The following LIPG variants were observed in gnomAD, a reference collection of about 807,000 sequenced individuals.
LIPG encodes the protein lipase G, endothelial type, also known as endothelial lipase.
Under a neutral mutation model 51.8 loss-of-function variants are expected in LIPG, and 34 were observed. The observed-to-expected ratio is 0.66, with a 90% CI of 0.50 to 0.87. LIPG has a LOEUF of 0.87. Among genes scored for constraint, LIPG ranks in the 40% least tolerant of loss-of-function variants. LIPG has a pLI of 0.00. For missense variants in LIPG, 580 were observed against 652.7 expected, an observed-to-expected ratio of 0.89 and a Z score of 1.21; for synonymous variants, 246 against 246.1, an observed-to-expected ratio of 1.00 and a Z score of 0.00.
At chr18:49,573,033 G>A (rs1354127849) in intron 4 of LIPG, among the ~76,000 whole-genome samples, 1 of 152,210 alleles carries the variant, frequency 6.6e-6, no homozygotes, top group Non-Finnish European at 1.5e-5. Flanking sequence ...AGCAGGGCAG[G>A]CAGGCTCTGG....
chr18:49,584,264 C>T lies in LIPG; in HGVS notation c.1376+490C>T, dbSNP rs150713535. ...TTTCAGAGCATTATTCTCTCTCCTT[C>T]AGAGGTTCTAAGTCAAGGATGTGGG... On this transcript the variant is annotated intron_variant, in intron 8 of 9. Coordinates refer to ENST00000261292, the MANE Select transcript of LIPG (RefSeq NM_006033.4). 1.9e-4 allele frequency among the ~76,000 whole-genome samples: 29 copies of T among 152,338 alleles called. No individual in the cohort carries two copies. The East Asian group carries it at 3.5e-3, about 18-fold the overall frequency.
At chr18:49,582,583 G>T in intron 7 of LIPG, 101 bp downstream of exon 7, 1 of 1,498,736 alleles carries the variant, frequency 6.7e-7, no homozygotes, top group Non-Finnish European at 9.3e-7. Flanking sequence ...GCACGCAGGA[G>T]AGTGCAGTCC....
Position 49,590,225 on chromosome 18 carries a change from A to G in LIPG, c.1482-276A>G, listed in dbSNP as rs971851391. The stretch of plus-strand genomic sequence containing the variant: ...TGTGTGTGTATGTTGTGGGTGGATA[A>G]TATGTAAATGCAAGAACTGTGATGT... On this transcript the variant is annotated intron_variant, in intron 9 of 9. Transcript: ENST00000261292. 9.2e-6 allele frequency: 5 copies of G among 544,546 alleles called. No homozygotes were observed. The African/African-American group carries it at 9.5e-5, about 10-fold the overall frequency. 33.7% of individuals were successfully genotyped at this position (544,546 alleles called of 1,614,324 possible).
chr18:49,569,486 T>C lies in LIPG; in HGVS notation c.509T>C (p.Leu170Pro). Residue 170 changes from leucine (L) to proline (P), a missense_variant, in exon 4 of 10, where the codon CTC becomes CCC. Transcript: ENST00000261292. ...LGNVHLIGYS[L>P]GAHVAGYAGN... ...AATGTCCACTTGATCGGCTACAGCCTCGGAGCGCACGTGGCCGGGTATGCA... is the reference window on the plus strand; with the variant it reads ...AATGTCCACTTGATCGGCTACAGCCCCGGAGCGCACGTGGCCGGGTATGCA... The C allele has an allele frequency of 5.0e-6, 8 of 1,614,182 alleles. No homozygotes were observed. Among genetic ancestry groups the C allele is most frequent in the Non-Finnish European group, 6.8e-6 (8 of 1,180,024 alleles).
intron 1 of LIPG, among the ~76,000 whole-genome samples, chr18:49,563,843 C>G (rs547457325): frequency 6.6e-6 from 1 of 152,238 alleles, no homozygotes; most frequent in African/African-American, 2.4e-5. Context: ...AGGTCAGACT[C>G]TAAGAGGAAG....
chr18:49,561,481 G>A, upstream of LIPG: 1 of 400,282 alleles, frequency 2.5e-6, no homozygotes. Flanking sequence ...ATCCTCCAGC[G>A]CCGGCCGCAG....
intron 3 of LIPG, among the ~76,000 whole-genome samples, chr18:49,567,946 A>T (rs1600544654): frequency 6.6e-6 from 1 of 152,112 alleles, no homozygotes; most frequent in East Asian, 1.9e-4. Flanking sequence ...CAGGCTTGTG[A>T]TCTGAAATTC....
In LIPG at chr18:49,583,604, C is replaced by T. The variant is rs755003256; in HGVS notation, c.1206C>T (p.Thr402=). 7.4e-6 allele frequency: 12 copies of T among 1,614,022 alleles called. No individual in the cohort carries two copies. The highest frequency in any genetic ancestry group is 1.7e-5 in the Admixed American group (1 of 59,994). ...QNATNTFLVY[T]EEDLGDLLKI... is the part of the protein sequence containing the mutation. ...CCACCAACACCTTCCTGGTCTACAC[C>T]GAGGAGGACTTGGGAGACCTCTTGA... The change falls in exon 8 of 10, where the codon ACC becomes ACT. Residue 402 remains threonine (T), a synonymous_variant. Transcript: ENST00000261292.
chr18:49,595,780 ATCACGCCACTGCAC>A lies in LIPG; in HGVS notation c.*5261_*5274del, dbSNP rs1223395678. ...GAGATGGAGTTTGCAGTGAGCTGAGATCACGCCACTGCACTCCAGCCTAGGCAACTGAGTGAGAC... is the reference window on the plus strand; with the variant it reads ...GAGATGGAGTTTGCAGTGAGCTGAGATCCAGCCTAGGCAACTGAGTGAGAC... On this transcript the variant is annotated 3_prime_UTR_variant, in exon 10 of 10. Transcript: ENST00000261292. 1 of 152,254 alleles carries A rather than the reference ATCACGCCACTGCAC, an allele frequency of 6.6e-6. No individual in the cohort carries two copies. The highest frequency in any genetic ancestry group is 1.5e-5 in the Non-Finnish European group (1 of 68,050). 9.4% of individuals were successfully genotyped at this position (152,254 alleles called of 1,614,324 possible). A position where few individuals can be genotyped will look rare whatever the true frequency, so the allele number is the denominator to read the frequency against.
At position 49,575,318 on chromosome 18, in the gene LIPG, G is replaced by T; in HGVS notation, c.572-51G>T. 3 of 1,479,102 alleles carry T rather than the reference G, an allele frequency of 2.0e-6. No homozygotes were observed. In the South Asian group the frequency reaches 3.4e-5, roughly 17 times the overall value. 91.6% of individuals were successfully genotyped at this position (1,479,102 alleles called of 1,614,324 possible). On this transcript the variant is annotated intron_variant, in intron 4 of 9. Transcript: ENST00000261292. ...ACTTAACTTGTAATCAGGACTCACT[G>T]ACCAGGTGCACCTGACACCACAGCT...
Position 49,595,625 on chromosome 18 carries a change from C to G in LIPG, c.*5103C>G, listed in dbSNP as rs947636960. 6.6e-6 allele frequency: 1 copy of G among 152,090 alleles called. No homozygotes were observed. The highest frequency in any genetic ancestry group is 1.5e-5 in the Non-Finnish European group (1 of 68,008). 9.4% of individuals were successfully genotyped at this position (152,090 alleles called of 1,614,324 possible). On this transcript the variant is annotated 3_prime_UTR_variant, in exon 10 of 10. Coordinates refer to ENST00000261292, the MANE Select transcript of LIPG (RefSeq NM_006033.4). ...TGGGAGGATCACGAGGTCAGGAGTG[C>G]GAGACCAGCCTGGCCAATATGGTGA...
rs1294022089 is a variant in LIPG at position 49,594,417 on chromosome 18, G to GA, written c.*3896dup. 6.6e-6 allele frequency: 1 copy of GA among 152,174 alleles called. No individual in the cohort carries two copies. Among genetic ancestry groups the GA allele is most frequent in the Non-Finnish European group, 1.5e-5 (1 of 68,046 alleles). The allele number at this position is 152,174 out of a possible 1,614,324, so 9.4% of individuals were successfully genotyped here. On this transcript the variant is annotated 3_prime_UTR_variant, in exon 10 of 10. Coordinates refer to ENST00000261292, the MANE Select transcript of LIPG (RefSeq NM_006033.4). ...TCCAAACTGTCGGGATTACCGGTGTGAGCCACCGGGCCCAGCCACTAGCTG... is the reference window on the plus strand; with the variant it reads ...TCCAAACTGTCGGGATTACCGGTGTGAAGCCACCGGGCCCAGCCACTAGCTG...
Position 49,592,083 on chromosome 18 carries a change from G to A in LIPG, c.*1561G>A, listed in dbSNP as rs1007701044. ...GTTGGACTTTTTATGGCTGAGATTCGGGAGGAAGTGTGACACCAAGCAGGA... is the reference window on the plus strand; with the variant it reads ...GTTGGACTTTTTATGGCTGAGATTCAGGAGGAAGTGTGACACCAAGCAGGA... On this transcript the variant is annotated 3_prime_UTR_variant, in exon 10 of 10. Transcript: ENST00000261292. The A allele has an allele frequency of 2.0e-5, 3 of 152,038 alleles. No individual in the cohort carries two copies. The highest frequency in any genetic ancestry group is 4.8e-5 in the African/African-American group (2 of 41,386). 9.4% of individuals were successfully genotyped at this position (152,038 alleles called of 1,614,324 possible).
chr18:49,565,290 C>T lies in LIPG; in HGVS notation c.98-27C>T, dbSNP rs1206163508. The stretch of plus-strand genomic sequence containing the variant: ...TCTCACTCCGCAAGTCTGCTAGATG[C>T]ACCCACGCTCTGTTCTGTCTCCCCA... On this transcript the variant is annotated intron_variant, in intron 1 of 9. Coordinates refer to ENST00000261292, the MANE Select transcript of LIPG (RefSeq NM_006033.4). 3 of 1,611,784 alleles carry T rather than the reference C, an allele frequency of 1.9e-6. No homozygotes were observed. The South Asian group carries it at 3.3e-5, about 18-fold the overall frequency.
intron 8 of LIPG, among the ~76,000 whole-genome samples, chr18:49,586,002 G>A (rs146495451): frequency 9.9e-5 from 15 of 152,274 alleles, no homozygotes; most frequent in African/African-American, 3.6e-4. Flanking sequence ...TGGGGCTTTT[G>A]TCCTGCCTCA....
At position 49,590,488 on chromosome 18, in the gene LIPG, C is replaced by T. The variant is rs370888353; in HGVS notation, c.1482-13C>T. 4.1e-5 allele frequency: 65 copies of T among 1,600,462 alleles called. No individual in the cohort carries two copies. The highest frequency in any genetic ancestry group is 2.4e-4 in the African/African-American group (18 of 74,908). ...TGAGCTAACAAATGCCACTCTCACACGGTTTCTTTCAGTCCCACTGTGGAG... is the reference window on the plus strand; with the variant it reads ...TGAGCTAACAAATGCCACTCTCACATGGTTTCTTTCAGTCCCACTGTGGAG... On this transcript the variant is annotated splice_polypyrimidine_tract_variant and intron_variant, in intron 9 of 9. Coordinates refer to ENST00000261292, the MANE Select transcript of LIPG (RefSeq NM_006033.4).
rs1422304302 is a variant in LIPG, at chr18:49,590,563, C to G, written c.*41C>G. On this transcript the variant is annotated 3_prime_UTR_variant, in exon 10 of 10. Coordinates refer to ENST00000261292, the MANE Select transcript of LIPG (RefSeq NM_006033.4). The stretch of plus-strand genomic sequence containing the variant: ...TCTTGCCAGCAAGGCAGCAAGACTT[C>G]CTGCTATCCAAGCCCATGGAGGAAA... 1.3e-6 allele frequency: 2 copies of G among 1,574,976 alleles called. No individual in the cohort carries two copies. The highest frequency in any genetic ancestry group is 2.7e-5 in the African/African-American group (2 of 74,134).
rs549851979 is a variant in LIPG, at chr18:49,590,647, T to C, written c.*125T>C. ...CTTCTCAGCCTTGACCCTGGAGCAC[T>C]GGGAACAACTGGTCTCCTGTGATGG... is the stretch of plus-strand genomic sequence containing the variant. On this transcript the variant is annotated 3_prime_UTR_variant, in exon 10 of 10. Transcript: ENST00000261292. 3.0e-5 allele frequency: 29 copies of C among 963,704 alleles called. No individual in the cohort carries two copies. Among genetic ancestry groups the C allele is most frequent in the Non-Finnish European group, 4.5e-5 (28 of 616,594 alleles). The allele number at this position is 963,704 out of a possible 1,614,324, so 59.7% of individuals were successfully genotyped here.
At chr18:49,561,668 C>T (rs566946696), upstream of LIPG, 6 of 1,239,436 alleles carry the variant, frequency 4.8e-6, no homozygotes, top group South Asian at 2.4e-4. Context: ...GAGAGTGTGG[C>T]TTTGAGCCTT....
Sources: allele counts gnomAD v4.1 joint callset (sites outside exome capture counted in the v4.1 genomes callset), GRCh38; gene constraint gnomAD v4.1.1; transcripts MANE v1.5; gene names NCBI Gene and HGNC (gene_info 2026-07-23, HGNC 2026-07-21).